The following PDE1C variants were observed in gnomAD, a reference collection of about 807,000 sequenced individuals.
PDE1C encodes phosphodiesterase 1C.
In PDE1C, 62 loss-of-function variants were observed where a neutral mutation model predicts 93.1. That is an observed-to-expected ratio of 0.67 (90% CI 0.54 to 0.82). PDE1C has a LOEUF of 0.82. Among genes scored for constraint, PDE1C ranks in the 40% least tolerant of loss-of-function variants. PDE1C has a pLI of 0.00. For synonymous variants in PDE1C, 325 were observed against 310.1 expected (o/e 1.05, Z -0.50); for missense variants, 742 against 884.6 (o/e 0.84, Z 2.04).
chr7:32,169,695 T>C, intron 3 of PDE1C: 1 of 1,080,990 alleles, frequency 9.3e-7, no homozygotes, highest in South Asian at 1.3e-5. Context: ...ATGAAGTAAT[T>C]TGCTGGCCAC....
At chr7:31,954,032 C>G (rs115113321) in intron 2 of PDE1C, among the ~76,000 whole-genome samples, 1 of 152,158 alleles carries the variant, frequency 6.6e-6, no homozygotes. Context: ...GTAAGCAAAA[C>G]TCATGAATAT....
At chr7:31,887,295 C>T (rs1798073936) in intron 2 of PDE1C, among the ~76,000 whole-genome samples, 1 of 152,120 alleles carries the variant, frequency 6.6e-6, no homozygotes, top group Non-Finnish European at 1.5e-5. Flanking sequence ...AAAACAAGAA[C>T]AGTGCCAACA....
chr7:31,878,596 A>G (rs1796879657), intron 4 of PDE1C, among the ~76,000 whole-genome samples: 1 of 152,154 alleles, frequency 6.6e-6, no homozygotes, highest in African/African-American at 2.4e-5. Flanking sequence ...AATAAAACTG[A>G]AGTGTCTTGG....
intron 2 of PDE1C, among the ~76,000 whole-genome samples, chr7:31,896,222 T>C (rs1799312516): frequency 6.6e-6 from 1 of 152,056 alleles, no homozygotes; most frequent in Non-Finnish European, 1.5e-5. Flanking sequence ...CTGTTGTAGT[T>C]TGGAGGTCCC....
intron 9 of PDE1C, among the ~76,000 whole-genome samples, chr7:31,845,182 T>C (rs1282360497): frequency 6.6e-6 from 1 of 152,138 alleles, no homozygotes; most frequent in Non-Finnish European, 1.5e-5. Context: ...TTTCATTACC[T>C]CACTGAGCAT....
At chr7:31,975,926 T>C (rs2192387) in intron 2 of PDE1C, among the ~76,000 whole-genome samples, 94,382 of 152,072 alleles carry the variant, frequency 0.62, 30,231 homozygotes, top group African/African-American at 0.79. Flanking sequence ...AATCAAAAAG[T>C]ATCACAACTC....
chr7:32,165,330 C>T (rs1802173322), intron 3 of PDE1C, among the ~76,000 whole-genome samples: 1 of 152,200 alleles, frequency 6.6e-6, no homozygotes, highest in Non-Finnish European at 1.5e-5. Flanking sequence ...CTCTCCAAAC[C>T]CCAGGAAGGG....
intron 1 of PDE1C, among the ~76,000 whole-genome samples, chr7:32,421,139 T>C (rs777409841): frequency 3.3e-5 from 5 of 151,970 alleles, no homozygotes; most frequent in African/African-American, 4.8e-5. Context: ...TTGAGTAAAT[T>C]ACAGAAAATA....
chr7:32,330,792 A>G (rs564113720), intron 1 of PDE1C, among the ~76,000 whole-genome samples: 113 of 152,190 alleles, frequency 7.4e-4, no homozygotes, highest in Non-Finnish European at 1.5e-3. Flanking sequence ...TGTCCCCAGA[A>G]CAGAAGTCCC....
At chr7:32,226,585 G>A (rs569507200) in intron 1 of PDE1C, among the ~76,000 whole-genome samples, 2 of 152,330 alleles carry the variant, frequency 1.3e-5, no homozygotes, top group Admixed American at 6.5e-5. Flanking sequence ...GAGGGGCTTT[G>A]AGCAGAGACC....
intron 16 of PDE1C, among the ~76,000 whole-genome samples, chr7:31,796,944 A>T (rs983029155): frequency 5.3e-5 from 8 of 151,508 alleles, no homozygotes; most frequent in Non-Finnish European, 1.0e-4. Context: ...TAATATTACA[A>T]CTCTCTCCTC....
intron 2 of PDE1C, among the ~76,000 whole-genome samples, chr7:31,937,063 A>T (rs541761249): frequency 6.6e-6 from 1 of 152,298 alleles, no homozygotes; most frequent in South Asian, 2.1e-4. Flanking sequence ...TTGTAGAAAC[A>T]GTTGAAGTCA....
intron 17 of PDE1C, among the ~76,000 whole-genome samples, chr7:31,757,456 G>A (rs543625186): frequency 6.6e-6 from 1 of 152,238 alleles, no homozygotes; most frequent in Admixed American, 6.5e-5. Flanking sequence ...TCACACCTGA[G>A]AGAAAATCAG....
At chr7:31,631,590 G>A in the PDE1C span, among the ~76,000 whole-genome samples, 3 of 152,070 alleles carry the variant, frequency 2.0e-5, no homozygotes, top group African/African-American at 7.2e-5. Flanking sequence ...TAATTTTACA[G>A]AAGCGGATTT....
At chr7:32,046,308 C>G (rs1233253634) in intron 2 of PDE1C, among the ~76,000 whole-genome samples, 1 of 151,978 alleles carries the variant, frequency 6.6e-6, no homozygotes, top group East Asian at 1.9e-4. Context: ...TCTGGGCTAT[C>G]CTATTAGACT....
chr7:32,227,266 G>C (rs1346396006), intron 1 of PDE1C, among the ~76,000 whole-genome samples: 2 of 152,152 alleles, frequency 1.3e-5, no homozygotes, highest in African/African-American at 4.8e-5. Flanking sequence ...AAGGAGCAGG[G>C]TGGTCATCAG....
intron 17 of PDE1C, among the ~76,000 whole-genome samples, chr7:31,759,865 CTCTCTCTCTCTG>C: frequency 6.6e-6 from 1 of 152,134 alleles, no homozygotes; most frequent in East Asian, 1.9e-4. Flanking sequence ...TTTGTTCTCT[CTCTCTCTCTCTG>C]TCTCTCTCTC....
At chr7:32,082,588 C>T (rs898014333) in intron 3 of PDE1C, among the ~76,000 whole-genome samples, 2 of 152,238 alleles carry the variant, frequency 1.3e-5, no homozygotes, top group Non-Finnish European at 2.9e-5. Flanking sequence ...AGCAGCCTAA[C>T]TGGGAGGCAC....
At chr7:32,291,416 G>C (rs985819727) in intron 1 of PDE1C, among the ~76,000 whole-genome samples, 10 of 152,178 alleles carry the variant, frequency 6.6e-5, no homozygotes, top group Non-Finnish European at 1.3e-4. Flanking sequence ...CATCAGAATG[G>C]AGCTAGCCCT....
Sources: gnomAD v4.1 joint callset for allele counts (sites outside exome capture counted in the v4.1 genomes callset) on GRCh38, gnomAD v4.1.1 for gene constraint, MANE v1.5 for transcripts, NCBI Gene and HGNC (gene_info 2026-07-23, HGNC 2026-07-21) for gene names.